Variants in DHRSX observed in about 807,000 individuals in gnomAD.
DHRSX encodes dehydrogenase/reductase X-linked.
DHRSX carries 31 observed loss-of-function variants against 34.0 expected under a neutral mutation model. The observed-to-expected ratio is 0.91, with a 90% CI of 0.69 to 1.23. The LOEUF (loss-of-function observed/expected upper bound fraction) is 1.23, where lower values mean the gene tolerates loss of function less well. Ranked by LOEUF, DHRSX falls within the 50% of genes most tolerant of loss-of-function variation. The pLI is 0.00. For synonymous variants in DHRSX, 201 were observed against 183.8 expected (o/e 1.09, Z -0.76); for missense variants, 414 against 428.1 (o/e 0.97, Z 0.29).
intron 2 of DHRSX, among the ~76,000 whole-genome samples, chrX:2,413,897 A>G (rs771753109): frequency 1.3e-5 from 2 of 152,080 alleles, no homozygotes; most frequent in South Asian, 2.1e-4. Context: ...ATCTCATTAT[A>G]ACCTAGCCCA....
chrX:2,431,959 G>A (rs184263331), intron 1 of DHRSX, among the ~76,000 whole-genome samples: 69 of 152,212 alleles, frequency 4.5e-4, no homozygotes, highest in South Asian at 3.9e-3. Context: ...TTGGGAGGCC[G>A]AGACGGGTGG....
chrX:2,468,981 C>T (rs1314844691), intron 1 of DHRSX, among the ~76,000 whole-genome samples: 1 of 151,944 alleles, frequency 6.6e-6, no homozygotes, highest in Non-Finnish European at 1.5e-5. Context: ...ACACTGAAGA[C>T]GTTCCCTAAG....
chrX:2,420,665 C>T (rs1187561698), intron 2 of DHRSX, among the ~76,000 whole-genome samples: 1 of 151,616 alleles, frequency 6.6e-6, no homozygotes, highest in East Asian at 1.9e-4. Flanking sequence ...ATCGCTTGAA[C>T]CCGGGAGGCG....
intron 5 of DHRSX, among the ~76,000 whole-genome samples, chrX:2,248,671 A>AAAAGGC (rs1037126722): frequency 1.6e-4 from 24 of 151,154 alleles, no homozygotes; most frequent in Non-Finnish European, 2.8e-4. Flanking sequence ...AAGGAAAAGG[A>AAAAGGC]AATTCCTTGA....
rs180775013 is a variant in DHRSX, at chrX:2,461,188, G to C, written c.110-35884C>G. ...ATTCTAGAAAGCCTGCAGTAAACTG[G>C]CTATTTGATACGTTCTCAGAGTTCC... On this transcript the variant is annotated intron_variant, in intron 1 of 6. Transcript: ENST00000334651. Among the ~76,000 whole-genome samples, 445 of 151,896 alleles carry C rather than the reference G, an allele frequency of 2.9e-3. 3 individuals are homozygous for C. The highest frequency in any genetic ancestry group is 1.0e-2 in the African/African-American group (414 of 41,418).
intron 3 of DHRSX, among the ~76,000 whole-genome samples, chrX:2,329,254 C>A (rs770804930): frequency 6.6e-6 from 1 of 151,976 alleles, no homozygotes; most frequent in East Asian, 1.9e-4. Flanking sequence ...TCCATGACAT[C>A]GGTCTACTCA....
chrX:2,409,211 C>T (rs942108032), intron 2 of DHRSX, among the ~76,000 whole-genome samples: 1 of 152,232 alleles, frequency 6.6e-6, no homozygotes, highest in African/African-American at 2.4e-5. Flanking sequence ...TGTGCACACA[C>T]AGACTGCACG....
At chrX:2,446,277 C>T (rs2044133040) in intron 1 of DHRSX, among the ~76,000 whole-genome samples, 1 of 151,696 alleles carries the variant, frequency 6.6e-6, no homozygotes, top group Non-Finnish European at 1.5e-5. Flanking sequence ...GAAGACGTTC[C>T]CTAAGAATGT....
intron 3 of DHRSX, among the ~76,000 whole-genome samples, chrX:2,362,529 G>A (rs1343472322): frequency 6.6e-6 from 1 of 152,196 alleles, no homozygotes; most frequent in Non-Finnish European, 1.5e-5. Context: ...TCGAAATCCT[G>A]ACCTCGTGAT....
intron 1 of DHRSX, chrX:2,486,551 C>A (rs1040321344): frequency 2.0e-5 from 3 of 152,206 alleles, no homozygotes; most frequent in African/African-American, 7.2e-5. Flanking sequence ...CGGGACAGTT[C>A]ACATTTCCAC....
chrX:2,418,665 T>G (rs2043728769), intron 2 of DHRSX, among the ~76,000 whole-genome samples: 1 of 152,190 alleles, frequency 6.6e-6, no homozygotes, highest in Non-Finnish European at 1.5e-5. Context: ...TCTCTCTTCA[T>G]CCTACTCCAC....
rs779902232 is a variant in DHRSX, at chrX:2,354,828, G to A, written c.286+53917C>T. 5.9e-5 allele frequency among the ~76,000 whole-genome samples: 9 copies of A among 152,234 alleles called. No homozygotes were observed. The East Asian group carries it at 1.4e-3, about 23-fold the overall frequency. Reference sequence around the variant, plus strand: ...ACAAAGCCCTCAAAACCACAGACACGTGTGTCCATGTCTGAGGTCCACGGG... The same window carrying A: ...ACAAAGCCCTCAAAACCACAGACACATGTGTCCATGTCTGAGGTCCACGGG... On this transcript the variant is annotated intron_variant, in intron 3 of 6. Transcript: ENST00000334651.
At chrX:2,496,428 A>C (rs2045286697) in intron 1 of DHRSX, among the ~76,000 whole-genome samples, 2 of 152,000 alleles carry the variant, frequency 1.3e-5, no homozygotes, top group South Asian at 4.1e-4. Context: ...CAAACTCCTG[A>C]GCTCAGGCAA....
intron 3 of DHRSX, among the ~76,000 whole-genome samples, chrX:2,297,725 A>G (rs946823614): frequency 2.7e-5 from 4 of 150,736 alleles, no homozygotes; most frequent in Non-Finnish European, 4.4e-5. Context: ...TGCTAGGATG[A>G]CAGGAGTGCG....
At chrX:2,304,235 G>A (rs1443726712) in intron 3 of DHRSX, among the ~76,000 whole-genome samples, 11 of 138,226 alleles carry the variant, frequency 8.0e-5, no homozygotes, top group African/African-American at 2.5e-4. Context: ...ATGGATGGAT[G>A]GATGGATAAA....
chrX:2,325,082 CTT>C (rs1033193939), intron 3 of DHRSX, among the ~76,000 whole-genome samples: 2 of 151,934 alleles, frequency 1.3e-5, no homozygotes, highest in Non-Finnish European at 2.9e-5. Flanking sequence ...CAGCTTTTCT[CTT>C]TAACGAAAAG....
chrX:2,251,791 T>C (rs2016439666), intron 5 of DHRSX, among the ~76,000 whole-genome samples: 3 of 152,142 alleles, frequency 2.0e-5, no homozygotes, highest in Admixed American at 2.0e-4. Flanking sequence ...TCAGGTCTGC[T>C]GCCTTAGAAA....
intron 3 of DHRSX, among the ~76,000 whole-genome samples, chrX:2,339,386 G>T (rs920805322): frequency 6.6e-6 from 1 of 151,928 alleles, no homozygotes; most frequent in African/African-American, 2.4e-5. Context: ...TAATCCGCTC[G>T]CCTCAGCCTC....
At chrX:2,318,276 G>T (rs2042264695) in intron 3 of DHRSX, among the ~76,000 whole-genome samples, 1 of 151,288 alleles carries the variant, frequency 6.6e-6, no homozygotes, top group Non-Finnish European at 1.5e-5. Context: ...TGAGGTGGGA[G>T]GATCACTTGA....
Sources: gnomAD v4.1 joint callset for allele counts (sites outside exome capture counted in the v4.1 genomes callset) on GRCh38, gnomAD v4.1.1 for gene constraint, MANE v1.5 for transcripts, NCBI Gene and HGNC (gene_info 2026-07-23, HGNC 2026-07-21) for gene names.